The following GFOD1 variants were observed in gnomAD, a reference collection of about 807,000 sequenced individuals.
GFOD1 encodes the protein glucose-fructose oxidoreductase domain-containing protein 1.
In GFOD1, 9 loss-of-function variants were observed where a neutral mutation model predicts 25.4. The ratio of observed to expected loss-of-function variants is 0.35; its 90% confidence interval spans 0.21 to 0.62. The LOEUF (loss-of-function observed/expected upper bound fraction) is 0.62. Among genes scored for constraint, GFOD1 ranks in the 20% least tolerant of loss-of-function variants. The pLI is 0.72. For missense variants in GFOD1, 403 were observed against 556.9 expected, an observed-to-expected ratio of 0.72 and a Z score of 2.78; for synonymous variants, 253 against 245.6, an observed-to-expected ratio of 1.03 and a Z score of -0.28.
intron 1 of GFOD1, among the ~76,000 whole-genome samples, chr6:13,441,150 C>T (rs907090495): frequency 3.3e-5 from 5 of 152,174 alleles, no homozygotes; most frequent in South Asian, 4.1e-4. Flanking sequence ...TAGGGTAGTG[C>T]GGTGCCCACA....
chr6:13,411,749 G>A (rs776971208), intron 1 of GFOD1, among the ~76,000 whole-genome samples: 1 of 152,214 alleles, frequency 6.6e-6, no homozygotes, highest in Non-Finnish European at 1.5e-5. Context: ...GCGGGAAGGA[G>A]CACCTTAACT....
intron 1 of GFOD1, among the ~76,000 whole-genome samples, chr6:13,478,280 C>T (rs111231414): frequency 0.12 from 18,997 of 152,008 alleles, 1,259 homozygotes; most frequent in Middle Eastern, 0.16. Flanking sequence ...GCTGGGATTA[C>T]AGGTGCACAA....
At chr6:13,486,599 C>T in intron 1 of GFOD1, 39 bp downstream of exon 1, 1 of 1,209,384 alleles carries the variant, frequency 8.3e-7, no homozygotes, top group Non-Finnish European at 1.1e-6. Flanking sequence ...GGTTAAAGGG[C>T]GGGGGTGGGA....
chr6:13,480,003 C>T (rs564489547), intron 1 of GFOD1, among the ~76,000 whole-genome samples: 37 of 152,266 alleles, frequency 2.4e-4, no homozygotes, highest in Non-Finnish European at 5.1e-4. Flanking sequence ...GCCTTATTTC[C>T]GCTGGCGTGG....
chr6:13,470,141 A>C, intron 1 of GFOD1: 1 of 1,505,092 alleles, frequency 6.6e-7, no homozygotes, highest in Non-Finnish European at 9.0e-7. Flanking sequence ...CTGTTGGTGA[A>C]TGTAGCCAGT....
chr6:13,387,666 G>A (rs61492644), intron 1 of GFOD1, among the ~76,000 whole-genome samples: 64,886 of 152,068 alleles, frequency 0.43, 16,554 homozygotes, highest in East Asian at 0.67. Flanking sequence ...ATATCATACT[G>A]AATGGGCACC....
intron 1 of GFOD1, among the ~76,000 whole-genome samples, chr6:13,380,560 C>T (rs74780915): frequency 1.7e-3 from 256 of 152,218 alleles, no homozygotes; most frequent in African/African-American, 5.8e-3. Flanking sequence ...ACACCCCTGG[C>T]GGAGACTTGT....
At chr6:13,398,339 T>G (rs1156739248) in intron 1 of GFOD1, among the ~76,000 whole-genome samples, 1 of 152,208 alleles carries the variant, frequency 6.6e-6, no homozygotes, top group Non-Finnish European at 1.5e-5. Flanking sequence ...ATCAGGAAAA[T>G]GCTGATACAA....
At chr6:13,480,934 C>T (rs889469752) in intron 1 of GFOD1, among the ~76,000 whole-genome samples, 23 of 152,166 alleles carry the variant, frequency 1.5e-4, no homozygotes, top group African/African-American at 5.6e-4. Context: ...CCCAGGCATA[C>T]ATGTATTCAG....
At chr6:13,370,915 C>G (rs1785139629) in intron 1 of GFOD1, among the ~76,000 whole-genome samples, 1 of 152,230 alleles carries the variant, frequency 6.6e-6, no homozygotes, top group African/African-American at 2.4e-5. Flanking sequence ...GGTACCTGTT[C>G]TGCAAACTGC....
At chr6:13,393,175 C>T (rs1439568465) in intron 1 of GFOD1, among the ~76,000 whole-genome samples, 1 of 151,926 alleles carries the variant, frequency 6.6e-6, no homozygotes, top group African/African-American at 2.4e-5. Flanking sequence ...GGGCAACATG[C>T]TGAAACTCCG....
chr6:13,426,724 G>A (rs940629335), intron 1 of GFOD1, among the ~76,000 whole-genome samples: 1 of 152,200 alleles, frequency 6.6e-6, no homozygotes, highest in East Asian at 1.9e-4. Context: ...ACCCCTGAGC[G>A]AGGGATAATG....
At chr6:13,454,523 T>C (rs1758155213) in intron 1 of GFOD1, among the ~76,000 whole-genome samples, 3 of 152,170 alleles carry the variant, frequency 2.0e-5, no homozygotes, top group African/African-American at 2.4e-5. Flanking sequence ...TCCTACTTCC[T>C]GGCCTTTCAG....
At chr6:13,459,959 C>A (rs1382978451) in intron 1 of GFOD1, among the ~76,000 whole-genome samples, 1 of 152,114 alleles carries the variant, frequency 6.6e-6, no homozygotes, top group Non-Finnish European at 1.5e-5. Flanking sequence ...CATGGTGAAA[C>A]CCCATCTCTA....
At chr6:13,416,723 C>G in intron 1 of GFOD1, among the ~76,000 whole-genome samples, 1 of 152,116 alleles carries the variant, frequency 6.6e-6, no homozygotes, top group East Asian at 1.9e-4. Flanking sequence ...ATAGATGTAC[C>G]AGACTTTAAT....
intron 1 of GFOD1, chr6:13,408,010 T>C: frequency 1.0e-6 from 1 of 985,362 alleles, no homozygotes; most frequent in Non-Finnish European, 1.2e-6. Flanking sequence ...TTGGCTTTGC[T>C]CCCAGAAAAC....
At chr6:13,379,166 A>G (rs1785311556) in intron 1 of GFOD1, among the ~76,000 whole-genome samples, 1 of 152,132 alleles carries the variant, frequency 6.6e-6, no homozygotes, top group Non-Finnish European at 1.5e-5. Flanking sequence ...CAAGTAACCT[A>G]CAGTGCAATA....
chr6:13,358,141 T>G lies in GFOD1; in HGVS notation c.*6602A>C, dbSNP rs1784896438. The stretch of plus-strand genomic sequence containing the variant: ...TTTTTTTCTTCTTTTTTTCCTTTAA[T>G]AATAAAAAAGAAAACCAAAACCTCC... On this transcript the variant is annotated 3_prime_UTR_variant, in exon 2 of 2. Coordinates refer to ENST00000379287, the MANE Select transcript of GFOD1 (RefSeq NM_018988.4). 1.3e-5 allele frequency: 2 copies of G among 152,206 alleles called. No individual in the cohort carries two copies. The highest frequency in any genetic ancestry group is 4.1e-4 in the South Asian group (2 of 4,830). The allele number at this position is 152,206 out of a possible 1,614,324, so 9.4% of individuals were successfully genotyped here.
At chr6:13,426,001 G>A (rs954689295) in intron 1 of GFOD1, among the ~76,000 whole-genome samples, 3 of 152,230 alleles carry the variant, frequency 2.0e-5, no homozygotes, top group African/African-American at 7.2e-5. Flanking sequence ...GGCTGGACAA[G>A]CTTGGTCTTC....
Sources: gnomAD v4.1 joint callset for allele counts (sites outside exome capture counted in the v4.1 genomes callset) on GRCh38, gnomAD v4.1.1 for gene constraint, MANE v1.5 for transcripts, NCBI Gene and HGNC (gene_info 2026-07-23, HGNC 2026-07-21) for gene names.